Variants in CENPP observed in about 807,000 individuals in gnomAD.
The protein encoded by CENPP is centromere protein P.
Under a neutral mutation model 35.6 loss-of-function variants are expected in CENPP, and 24 were observed. The observed-to-expected ratio is 0.67, with a 90% CI of 0.49 to 0.95. The LOEUF is 0.95. Ranked by LOEUF, CENPP falls within the 40% of genes least tolerant of loss-of-function variation. CENPP has a pLI of 0.00. For missense variants in CENPP, 332 were observed against 345.3 expected, an observed-to-expected ratio of 0.96 and a Z score of 0.31; for synonymous variants, 120 against 125.5, an observed-to-expected ratio of 0.96 and a Z score of 0.29.
chr9:92,423,659 C>T (rs888694570), intron 5 of CENPP, among the ~76,000 whole-genome samples: 1 of 151,768 alleles, frequency 6.6e-6, no homozygotes, highest in African/African-American at 2.4e-5. Flanking sequence ...TAACTAGATC[C>T]TTCAATAGAC....
At position 92,618,378 on chromosome 9, in the gene CENPP, T is replaced by A. The variant is rs1564025688; in HGVS notation, c.*5229T>A. ...CCTTCAGCTTTCCCCGCATGCTGGC[T>A]TTCCAATTTGACATCACTGACCAGG... On this transcript the variant is annotated 3_prime_UTR_variant, in exon 8 of 8. Coordinates refer to ENST00000375587, the MANE Select transcript of CENPP (RefSeq NM_001012267.3). The A allele has an allele frequency of 2.2e-6, 1 of 456,706 alleles. No individual in the cohort carries two copies. Among genetic ancestry groups the A allele is most frequent in the Non-Finnish European group, 4.4e-6 (1 of 226,964 alleles). 28.3% of individuals were successfully genotyped at this position (456,706 alleles called of 1,614,324 possible).
At chr9:92,471,980 C>A (rs571603521) in intron 5 of CENPP, among the ~76,000 whole-genome samples, 10 of 152,192 alleles carry the variant, frequency 6.6e-5, no homozygotes, top group African/African-American at 2.4e-4. Flanking sequence ...CATTTAATAG[C>A]CAAAAATTGA....
At chr9:92,547,406 GT>G in intron 5 of CENPP, among the ~76,000 whole-genome samples, 1 of 152,214 alleles carries the variant, frequency 6.6e-6, no homozygotes, top group Non-Finnish European at 1.5e-5. Context: ...CAGCCTAAAT[GT>G]TTGTCAACTG....
intron 5 of CENPP, chr9:92,417,060 G>A (rs1843636359): frequency 6.2e-7 from 1 of 1,613,962 alleles, no homozygotes; most frequent in East Asian, 2.2e-5. Flanking sequence ...CCAAGAAGGA[G>A]TCTTTCCAGA....
At chr9:92,384,050 TAAA>T (rs1277877038) in intron 5 of CENPP, 6 of 152,198 alleles carry the variant, frequency 3.9e-5, no homozygotes, top group Non-Finnish European at 8.8e-5. Flanking sequence ...CAATTGAAAG[TAAA>T]AAGTATAAAG....
At chr9:92,464,911 A>G (rs1157006173) in intron 5 of CENPP, 1 of 1,572,006 alleles carries the variant, frequency 6.4e-7, no homozygotes, top group East Asian at 2.2e-5. Context: ...GATAAAGTAA[A>G]TACAAACCTT....
chr9:92,439,493 C>G (rs1411375049), intron 5 of CENPP, among the ~76,000 whole-genome samples: 2 of 152,150 alleles, frequency 1.3e-5, no homozygotes, highest in Non-Finnish European at 2.9e-5. Context: ...CAGTGGCTGA[C>G]CAGCATGGGA....
At chr9:92,586,388 G>A (rs1029992245) in intron 5 of CENPP, among the ~76,000 whole-genome samples, 3 of 152,142 alleles carry the variant, frequency 2.0e-5, no homozygotes, top group Non-Finnish European at 4.4e-5. Flanking sequence ...CCTGCCTGGG[G>A]CAAGGGATGG....
intron 5 of CENPP, among the ~76,000 whole-genome samples, chr9:92,511,533 C>T (rs1004374573): frequency 3.4e-4 from 51 of 151,886 alleles, no homozygotes; most frequent in South Asian, 4.2e-4. Context: ...CCAAGCTATC[C>T]CTAATTTTTA....
chr9:92,586,479 G>A (rs561579089), intron 5 of CENPP, among the ~76,000 whole-genome samples: 4 of 152,240 alleles, frequency 2.6e-5, no homozygotes, highest in African/African-American at 4.8e-5. Flanking sequence ...CAGAGGGCTT[G>A]GAAGGACCAT....
intron 5 of CENPP, among the ~76,000 whole-genome samples, chr9:92,580,627 T>A (rs1402461649): frequency 6.6e-6 from 1 of 152,256 alleles, no homozygotes; most frequent in Non-Finnish European, 1.5e-5. Flanking sequence ...TAGTTTGTAT[T>A]TCTGTGGGAT....
At chr9:92,390,629 T>G (rs984616790) in intron 5 of CENPP, among the ~76,000 whole-genome samples, 9 of 152,142 alleles carry the variant, frequency 5.9e-5, no homozygotes, top group African/African-American at 1.7e-4. Flanking sequence ...ATATCTGGGA[T>G]AATTAGGAAA....
intron 5 of CENPP, among the ~76,000 whole-genome samples, chr9:92,578,810 T>C (rs1318727245): frequency 2.0e-5 from 3 of 152,158 alleles, no homozygotes; most frequent in African/African-American, 7.2e-5. Context: ...TTTAATTAGA[T>C]CCCATTTGTC....
chr9:92,551,467 G>A (rs924209464), intron 5 of CENPP, among the ~76,000 whole-genome samples: 1 of 151,966 alleles, frequency 6.6e-6, no homozygotes, highest in Non-Finnish European at 1.5e-5. Context: ...CCTGTCAAAT[G>A]TCTGGGACTA....
intron 5 of CENPP, among the ~76,000 whole-genome samples, chr9:92,462,656 CAG>C (rs1845158971): frequency 6.6e-6 from 1 of 152,088 alleles, no homozygotes; most frequent in Non-Finnish European, 1.5e-5. Context: ...ATTTTGATAA[CAG>C]AATCTATTTT....
chr9:92,359,864 T>C (rs540191674), intron 4 of CENPP, among the ~76,000 whole-genome samples: 1 of 151,798 alleles, frequency 6.6e-6, no homozygotes, highest in Admixed American at 6.6e-5. Flanking sequence ...CATGACTGCC[T>C]GCCAGGGGGG....
chr9:92,457,125 A>T, intron 5 of CENPP: 1 of 1,407,660 alleles, frequency 7.1e-7, no homozygotes, highest in Non-Finnish European at 9.2e-7. Context: ...GTTTGGCAAA[A>T]TTCCGTTGAA....
intron 5 of CENPP, chr9:92,500,648 A>C: frequency 3.1e-5 from 43 of 1,380,440 alleles, no homozygotes; most frequent in East Asian, 4.6e-5. Context: ...CGTAAATCCC[A>C]GAGATCATGT....
intron 5 of CENPP, among the ~76,000 whole-genome samples, chr9:92,516,139 C>A (rs1847703256): frequency 6.6e-6 from 1 of 151,684 alleles, no homozygotes. Context: ...TCTCGGCTCA[C>A]TGCACCCTCC....
Sources: gnomAD v4.1 joint callset for allele counts (sites outside exome capture counted in the v4.1 genomes callset) on GRCh38, gnomAD v4.1.1 for gene constraint, MANE v1.5 for transcripts, NCBI Gene and HGNC (gene_info 2026-07-23, HGNC 2026-07-21) for gene names.